VCL: variants seen among roughly 807,000 people sequenced by gnomAD.
VCL encodes the protein epididymis luminal protein 114.
A neutral mutation model predicts 125.7 loss-of-function variants in VCL; 47 were observed. That is an observed-to-expected ratio of 0.37 (90% CI 0.30 to 0.48). The LOEUF (loss-of-function observed/expected upper bound fraction) is 0.48, where lower values mean the gene tolerates loss of function less well. Ranked by LOEUF, VCL falls within the 20% of genes least tolerant of loss-of-function variation. The probability of loss-of-function intolerance (pLI) is 0.99; values close to 1 mark genes in which losing one functional copy is unlikely to be tolerated. For missense variants in VCL, 1,069 were observed against 1,455.5 expected, an observed-to-expected ratio of 0.73 and a Z score of 4.32; for synonymous variants, 458 against 514.6, an observed-to-expected ratio of 0.89 and a Z score of 1.49.
chr10:74,064,708 A>G (rs537617673), intron 2 of VCL, among the ~76,000 whole-genome samples: 2 of 152,314 alleles, frequency 1.3e-5, no homozygotes, highest in African/African-American at 4.8e-5. Context: ...GTGCCTGTCC[A>G]CAAAGACACT....
chr10:74,058,139 G>T (rs149218906), intron 2 of VCL, among the ~76,000 whole-genome samples: 1 of 152,132 alleles, frequency 6.6e-6, no homozygotes, highest in African/African-American at 2.4e-5. Context: ...AATTGATTTT[G>T]CCTGCCACAT....
At chr10:74,085,172 C>T (rs1839750398) in intron 8 of VCL, among the ~76,000 whole-genome samples, 2 of 152,024 alleles carry the variant, frequency 1.3e-5, no homozygotes, top group African/African-American at 2.4e-5. Flanking sequence ...AGATTAAAGG[C>T]GTGAGCCACC....
chr10:74,062,445 A>G (rs1466541405), intron 2 of VCL, among the ~76,000 whole-genome samples: 1 of 150,296 alleles, frequency 6.7e-6, no homozygotes, highest in Non-Finnish European at 1.5e-5. Context: ...GCCTCAAGCA[A>G]TCCTTCTGCC....
chr10:74,115,138 G>A (rs950440178), intron 21 of VCL, among the ~76,000 whole-genome samples: 3 of 151,922 alleles, frequency 2.0e-5, no homozygotes, highest in Non-Finnish European at 2.9e-5. Context: ...AGGCTGAGGC[G>A]GGAGAATTGC....
chr10:74,075,110 T>C (rs1839560632), intron 6 of VCL: 2 of 625,612 alleles, frequency 3.2e-6, no homozygotes, highest in Non-Finnish European at 5.4e-6. Context: ...AACAAGTAAA[T>C]AGGCATGTGG....
intron 10 of VCL, among the ~76,000 whole-genome samples, chr10:74,091,791 C>CAAAAAAAAAAAAA (rs545539526): frequency 1.8e-4 from 11 of 61,146 alleles, no homozygotes; most frequent in Non-Finnish European, 2.1e-4. Flanking sequence ...TCTGTCTCAG[C>CAAAAAAAAAAAAA]AAAAAAAAAA....
chr10:74,053,346 A>G (rs1841339979), intron 2 of VCL, among the ~76,000 whole-genome samples: 1 of 152,118 alleles, frequency 6.6e-6, no homozygotes, highest in South Asian at 2.1e-4. Flanking sequence ...CAACCTTCCA[A>G]TTTATTAGCA....
At chr10:74,048,878 TG>T (rs1255065212) in intron 2 of VCL, among the ~76,000 whole-genome samples, 2 of 152,136 alleles carry the variant, frequency 1.3e-5, no homozygotes, top group African/African-American at 4.8e-5. Context: ...CCCAGCACTT[TG>T]GGAGGCCGAG....
rs1840150660 is a variant in VCL at position 73,998,179 on chromosome 10, C to G, written c.-29C>G. The G allele has an allele frequency of 6.2e-7, 1 of 1,607,972 alleles. No individual in the cohort carries two copies. Among genetic ancestry groups the G allele is most frequent in the Non-Finnish European group, 8.5e-7 (1 of 1,177,344 alleles). Reference sequence around the variant, plus strand: ...CCGTGGATCCTACTTCTCTGTCGCCCGCGGTTCGCCGCCCCGCTCGCCGCC... The same window carrying G: ...CCGTGGATCCTACTTCTCTGTCGCCGGCGGTTCGCCGCCCCGCTCGCCGCC... On this transcript the variant is annotated 5_prime_UTR_variant, in exon 1 of 22. Coordinates refer to ENST00000211998, the MANE Select transcript of VCL (RefSeq NM_014000.3).
At chr10:74,013,677 T>C (rs986999959) in intron 1 of VCL, among the ~76,000 whole-genome samples, 5 of 152,158 alleles carry the variant, frequency 3.3e-5, no homozygotes, top group African/African-American at 7.2e-5. Flanking sequence ...GGGGAAGTTA[T>C]TTAATCTCCA....
chr10:74,061,679 C>T (rs1243203070), intron 2 of VCL, among the ~76,000 whole-genome samples: 2 of 152,098 alleles, frequency 1.3e-5, no homozygotes. Flanking sequence ...TGGAGTTGTC[C>T]CACAGTTCAC....
intron 1 of VCL, among the ~76,000 whole-genome samples, chr10:74,014,656 ATAT>A (rs2136229128): frequency 6.6e-6 from 1 of 152,142 alleles, no homozygotes; most frequent in East Asian, 1.9e-4. Context: ...GAGTTGAGAA[ATAT>A]TATGCATTTG....
At chr10:74,000,144 A>C (rs1214873492) in intron 1 of VCL, among the ~76,000 whole-genome samples, 2 of 149,576 alleles carry the variant, frequency 1.3e-5, no homozygotes. Flanking sequence ...TGCTATATGG[A>C]AAACACTGCA....
At chr10:74,010,345 TA>T (rs1840410248) in intron 1 of VCL, among the ~76,000 whole-genome samples, 1 of 152,212 alleles carries the variant, frequency 6.6e-6, no homozygotes, top group South Asian at 2.1e-4. Flanking sequence ...CATATTGCAT[TA>T]AAAAATAATA....
rs373112117 is a variant in VCL, at chr10:74,049,260, G to A, written c.239+6107G>A. 5.3e-5 allele frequency among the ~76,000 whole-genome samples: 8 copies of A among 151,894 alleles called. 1 individual carries two copies. Among genetic ancestry groups the A allele is most frequent in the African/African-American group, 1.4e-4 (6 of 41,436 alleles). ...CTTGTTATTATGTTTTCTTTAATGG[G>A]AGATAAAATAGTGGAACTACAGCTA... On this transcript the variant is annotated intron_variant, in intron 2 of 21. Transcript: ENST00000211998.
intron 2 of VCL, among the ~76,000 whole-genome samples, chr10:74,045,519 A>T (rs1841182543): frequency 6.6e-6 from 1 of 150,472 alleles, no homozygotes; most frequent in Non-Finnish European, 1.5e-5. Flanking sequence ...GCTACTTGGG[A>T]GGCTGAGGCG....
intron 1 of VCL, among the ~76,000 whole-genome samples, chr10:74,010,173 C>T (rs1397890525): frequency 6.6e-6 from 1 of 152,174 alleles, no homozygotes; most frequent in Non-Finnish European, 1.5e-5. Flanking sequence ...GATCCATCCG[C>T]CTCGGATTCC....
chr10:74,070,546 T>A, intron 2 of VCL, 124 bp from the exon 3 acceptor site: 1 of 1,372,704 alleles, frequency 7.3e-7, no homozygotes, highest in Admixed American at 1.7e-5. Context: ...TATCAATTGG[T>A]CTTGGCTATT....
chr10:74,032,699 C>CA lies in VCL; in HGVS notation c.169-10373dup, dbSNP rs749212293. On this transcript the variant is annotated intron_variant, in intron 1 of 21. Transcript: ENST00000211998. ...TGGGTAACAAAGTAAGTCTCGGTCTCAAAAAAAAAAATATATATATATATA... is the reference window on the plus strand; with the variant it reads ...TGGGTAACAAAGTAAGTCTCGGTCTCAAAAAAAAAAAATATATATATATATA... Among the ~76,000 whole-genome samples the CA allele has an allele frequency of 4.3e-3, 596 of 138,244 alleles. 2 individuals carry two copies. Among genetic ancestry groups the CA allele is most frequent in the East Asian group, 0.024 (117 of 4,832 alleles). 90.7% of individuals were successfully genotyped at this position (138,244 alleles called of 152,430 possible). A position where few individuals can be genotyped will look rare whatever the true frequency, so the allele number is the denominator to read the frequency against.
Sources: gnomAD v4.1 joint callset for allele counts (sites outside exome capture counted in the v4.1 genomes callset) on GRCh38, gnomAD v4.1.1 for gene constraint, MANE v1.5 for transcripts, NCBI Gene and HGNC (gene_info 2026-07-23, HGNC 2026-07-21) for gene names.